Variants in KCNIP1 observed in about 807,000 individuals in gnomAD.
KCNIP1 encodes the protein A-type potassium channel modulatory protein KCNIP1.
A neutral mutation model predicts 33.0 loss-of-function variants in KCNIP1; 18 were observed. The ratio of observed to expected loss-of-function variants is 0.55; its 90% confidence interval spans 0.38 to 0.81. The LOEUF (loss-of-function observed/expected upper bound fraction) is 0.81, where lower values mean the gene tolerates loss of function less well. Ranked by LOEUF, KCNIP1 falls within the 30% of genes least tolerant of loss-of-function variation. KCNIP1 has a pLI of 0.00. For synonymous variants in KCNIP1, 93 were observed against 98.3 expected, an observed-to-expected ratio of 0.95 and a Z score of 0.32; for missense variants, 238 against 271.6, an observed-to-expected ratio of 0.88 and a Z score of 0.87.
intron 1 of KCNIP1, chr5:170,422,619 G>A (rs538650052): frequency 1.3e-5 from 2 of 152,162 alleles, no homozygotes; most frequent in South Asian, 4.1e-4. Context: ...GGCAAAAATT[G>A]TTGCCTTAAA....
intron 1 of KCNIP1, among the ~76,000 whole-genome samples, chr5:170,484,589 T>C (rs1054845319): frequency 2.0e-5 from 3 of 152,128 alleles, no homozygotes; most frequent in Non-Finnish European, 4.4e-5. Flanking sequence ...TGTCTACCCA[T>C]TCGTCTTTTC....
chr5:170,678,929 A>G (rs1762236566), intron 1 of KCNIP1: 1 of 152,254 alleles, frequency 6.6e-6, no homozygotes, highest in Non-Finnish European at 1.5e-5. Flanking sequence ...TTGACTTACC[A>G]GAAACATGGA....
chr5:170,723,831 T>C (rs541842593), intron 5 of KCNIP1, among the ~76,000 whole-genome samples: 5 of 152,272 alleles, frequency 3.3e-5, no homozygotes, highest in South Asian at 2.1e-4. Flanking sequence ...GAACCAGTTA[T>C]ACAAAAAGCC....
intron 1 of KCNIP1, among the ~76,000 whole-genome samples, chr5:170,715,283 C>T (rs753045246): frequency 6.6e-5 from 10 of 152,294 alleles, no homozygotes; most frequent in East Asian, 1.9e-4. Flanking sequence ...GTATACTCCA[C>T]GATGTTCACA....
chr5:170,726,746 A>C (rs1207210227), intron 5 of KCNIP1, among the ~76,000 whole-genome samples: 1 of 87,228 alleles, frequency 1.1e-5, no homozygotes, highest in Non-Finnish European at 2.3e-5. Context: ...CTAAAAATAC[A>C]AAAAAAAAAA....
chr5:170,726,330 G>T (rs1437547936), intron 5 of KCNIP1, among the ~76,000 whole-genome samples: 1 of 152,090 alleles, frequency 6.6e-6, no homozygotes, highest in Non-Finnish European at 1.5e-5. Context: ...GATTTGATGA[G>T]ATATTTAAGA....
At chr5:170,693,597 C>A (rs1031242744) in intron 1 of KCNIP1, among the ~76,000 whole-genome samples, 1 of 152,168 alleles carries the variant, frequency 6.6e-6, no homozygotes, top group African/African-American at 2.4e-5. Flanking sequence ...CACGTCTCTG[C>A]CTTTACCGAA....
chr5:170,540,766 A>G (rs1345159271), intron 1 of KCNIP1, among the ~76,000 whole-genome samples: 1 of 152,172 alleles, frequency 6.6e-6, no homozygotes, highest in Non-Finnish European at 1.5e-5. Context: ...TCAACTGCAG[A>G]AGGTGAGGTC....
intron 1 of KCNIP1, among the ~76,000 whole-genome samples, chr5:170,534,519 A>G (rs868416078): frequency 2.0e-5 from 3 of 146,988 alleles, no homozygotes; most frequent in Admixed American, 1.3e-4. Context: ...GAAGGAGAAG[A>G]AGGAGAAGGA....
chr5:170,388,768 G>A (rs1312775266), intron 1 of KCNIP1, among the ~76,000 whole-genome samples: 5 of 152,194 alleles, frequency 3.3e-5, no homozygotes, highest in South Asian at 2.1e-4. Context: ...ACTGTGAAAC[G>A]AGAACCATGG....
Position 170,540,188 on chromosome 5 carries a change from C to T in KCNIP1, c.61+35555C>T, listed in dbSNP as rs544340086. On this transcript the variant is annotated intron_variant, in intron 1 of 7. Coordinates refer to ENST00000328939, the MANE Select transcript of KCNIP1 (RefSeq NM_014592.4). ...TCACAAAACTCAAATGTGAGACAAA[C>T]AAGATTTCAGGGCAAGGAAACAGAC... Among the ~76,000 whole-genome samples the T allele has an allele frequency of 1.0e-3, 157 of 152,232 alleles. 1 individual carries two copies. Among genetic ancestry groups the T allele is most frequent in the Non-Finnish European group, 1.9e-3 (126 of 67,992 alleles).
intron 1 of KCNIP1, among the ~76,000 whole-genome samples, chr5:170,540,923 A>G (rs1033804383): frequency 6.6e-5 from 10 of 152,174 alleles, no homozygotes; most frequent in Non-Finnish European, 1.3e-4. Context: ...CCAGTGTGCC[A>G]TTTCTGCACT....
At chr5:170,539,893 T>C (rs925354844) in intron 1 of KCNIP1, among the ~76,000 whole-genome samples, 4 of 152,252 alleles carry the variant, frequency 2.6e-5, no homozygotes, top group Non-Finnish European at 4.4e-5. Context: ...CAGCTCTCTG[T>C]GTTCTCAAGG....
At chr5:170,592,988 G>A (rs1314725385) in intron 1 of KCNIP1, among the ~76,000 whole-genome samples, 1 of 152,014 alleles carries the variant, frequency 6.6e-6, no homozygotes, top group Non-Finnish European at 1.5e-5. Context: ...GAAAATCAAA[G>A]TCAGCACAGA....
chr5:170,435,307 C>T (rs902709214), intron 1 of KCNIP1, among the ~76,000 whole-genome samples: 2 of 152,360 alleles, frequency 1.3e-5, no homozygotes, highest in East Asian at 3.9e-4. Context: ...ATCACAGACA[C>T]CCTGCCTCAT....
chr5:170,549,216 C>T (rs1241076528), intron 1 of KCNIP1, among the ~76,000 whole-genome samples: 1 of 152,198 alleles, frequency 6.6e-6, no homozygotes, highest in African/African-American at 2.4e-5. Context: ...TCCAGAGTTT[C>T]AAGGATTAAA....
At chr5:170,390,529 T>C (rs1217886990) in intron 1 of KCNIP1, among the ~76,000 whole-genome samples, 1 of 120,030 alleles carries the variant, frequency 8.3e-6, no homozygotes, top group Non-Finnish European at 1.7e-5. Flanking sequence ...TATATATATA[T>C]ATATATATAT....
chr5:170,727,960 A>G (rs1764065643), intron 5 of KCNIP1, among the ~76,000 whole-genome samples: 2 of 152,192 alleles, frequency 1.3e-5, no homozygotes, highest in African/African-American at 4.8e-5. Flanking sequence ...ATAAAATAAA[A>G]TAAAGAAATG....
Position 170,712,760 on chromosome 5 carries a change from A to G in KCNIP1, c.62-5998A>G. 2.6e-6 allele frequency: 3 copies of G among 1,157,474 alleles called. No homozygotes were observed. The South Asian group carries it at 3.7e-5, about 14-fold the overall frequency. The allele number at this position is 1,157,474 out of a possible 1,614,324, so 71.7% of individuals were successfully genotyped here. A position where few individuals can be genotyped will look rare whatever the true frequency, so the allele number is the denominator to read the frequency against. ...GCATATGTCAAGCTGGACGACGTGGACACCCTCAGAGCGGCCTCTCTCCAT... is the reference window on the plus strand; with the variant it reads ...GCATATGTCAAGCTGGACGACGTGGGCACCCTCAGAGCGGCCTCTCTCCAT... On this transcript the variant is annotated intron_variant, in intron 1 of 7. Transcript: ENST00000328939.
Sources: gnomAD v4.1 joint callset for allele counts (sites outside exome capture counted in the v4.1 genomes callset) on GRCh38, gnomAD v4.1.1 for gene constraint, MANE v1.5 for transcripts, NCBI Gene and HGNC (gene_info 2026-07-23, HGNC 2026-07-21) for gene names.